Variants in NFIC observed in about 807,000 individuals in gnomAD.
The protein encoded by NFIC is nuclear factor I C, also known as nuclear factor 1 C-type.
In NFIC, 12 loss-of-function variants were observed where a neutral mutation model predicts 54.4. The ratio of observed to expected loss-of-function variants is 0.22; its 90% CI spans 0.14 to 0.36. The LOEUF is 0.36. Ranked by LOEUF, NFIC falls within the 10% of genes least tolerant of loss-of-function variation. NFIC has a pLI of 1.00. For missense variants in NFIC, 575 were observed against 718.2 expected, an observed-to-expected ratio of 0.80 and a Z score of 2.28; for synonymous variants, 322 against 319.2, an observed-to-expected ratio of 1.01 and a Z score of -0.09.
intron 2 of NFIC, among the ~76,000 whole-genome samples, chr19:3,399,180 C>G (rs2081514018): frequency 6.6e-6 from 1 of 152,216 alleles, no homozygotes; most frequent in Non-Finnish European, 1.5e-5. Context: ...CACTGTGTGG[C>G]CTCAGGCAGG....
chr19:3,408,352 C>T lies in NFIC; in HGVS notation c.563-16754C>T, dbSNP rs1599633930. ...GCAATGCTGGGCCACCCCTGCTGGG[C>T]CAGGGTGTTGTGTTGAAGCCAAGAT... On this transcript the variant is annotated intron_variant, in intron 2 of 10. Coordinates refer to ENST00000443272, the MANE Select transcript of NFIC (RefSeq NM_001245002.2). Among the ~76,000 whole-genome samples the T allele has an allele frequency of 2.6e-5, 4 of 152,248 alleles. No homozygotes were observed. The South Asian group carries it at 8.3e-4, about 32-fold the overall frequency.
In NFIC at chr19:3,463,170, G is replaced by A. The variant is rs1309733384; in HGVS notation, c.*401G>A. On this transcript the variant is annotated 3_prime_UTR_variant, in exon 11 of 11. Transcript: ENST00000443272. ...GGACAGACGCCGGCCGCCCGCCCGC[G>A]CCCCGGAGGCCCTGGCTCTGTCCGG... 3 of 1,072,288 alleles carry A rather than the reference G, an allele frequency of 2.8e-6. No homozygotes were observed. In the African/African-American group the frequency reaches 5.1e-5, roughly 18 times the overall value. The allele number at this position is 1,072,288 out of a possible 1,614,324, so 66.4% of individuals were successfully genotyped here.
intron 2 of NFIC, among the ~76,000 whole-genome samples, chr19:3,409,136 G>A (rs1005504250): frequency 6.6e-6 from 1 of 152,086 alleles, no homozygotes; most frequent in African/African-American, 2.4e-5. Flanking sequence ...ACAAGGCCCC[G>A]AATGGTCCCG....
At chr19:3,442,633 C>T (rs2082311125) in intron 6 of NFIC, among the ~76,000 whole-genome samples, 1 of 152,094 alleles carries the variant, frequency 6.6e-6, no homozygotes, top group South Asian at 2.1e-4. Context: ...GTGATCCGCC[C>T]GCCTCGGCCT....
intron 9 of NFIC, among the ~76,000 whole-genome samples, chr19:3,455,446 G>A (rs868339670): frequency 1.6e-5 from 2 of 127,652 alleles, no homozygotes; most frequent in East Asian, 2.6e-4. Context: ...AGGATACTGC[G>A]TAGGATCCAC....
chr19:3,427,066 A>G (rs1292944216), intron 3 of NFIC, among the ~76,000 whole-genome samples: 1 of 151,616 alleles, frequency 6.6e-6, no homozygotes, highest in Non-Finnish European at 1.5e-5. Context: ...AGCTGGGACT[A>G]CAGGCGCCCA....
chr19:3,378,203 G>A lies in NFIC; in HGVS notation c.31-3509G>A, dbSNP rs2081140577. Among the ~76,000 whole-genome samples the A allele has an allele frequency of 4.0e-5, 6 of 151,284 alleles. No individual in the cohort carries two copies. In the South Asian group the frequency reaches 8.4e-4, roughly 21 times the overall value. ...TTGAACCTGGGAGGCGGAGGTTGCA[G>A]TGAGCCGAGATTGTGCCACTGCACT... On this transcript the variant is annotated intron_variant, in intron 1 of 10. Coordinates refer to ENST00000443272, the MANE Select transcript of NFIC (RefSeq NM_001245002.2).
chr19:3,454,346 A>T, intron 9 of NFIC: 1 of 862,388 alleles, frequency 1.2e-6, no homozygotes, highest in South Asian at 5.2e-5. Flanking sequence ...GACGTTTTAC[A>T]TAAACATTTC....
In NFIC at chr19:3,467,764, T is replaced by TACATATATATAC. The variant is rs1213410683; in HGVS notation, c.*4996_*4997insCATATATATACA. ...AGTGTAGGGCTATACTATACATATA[T>TACATATATATAC]ATATATATATATATATATATATATA... is the stretch of plus-strand genomic sequence containing the variant. On this transcript the variant is annotated 3_prime_UTR_variant, in exon 11 of 11. Transcript: ENST00000443272. 7.9e-6 allele frequency: 1 copy of TACATATATATAC among 126,828 alleles called. No homozygotes were observed. The highest frequency in any genetic ancestry group is 7.6e-5 in the Admixed American group (1 of 13,098). 7.9% of individuals were successfully genotyped at this position (126,828 alleles called of 1,614,324 possible).
intron 9 of NFIC, among the ~76,000 whole-genome samples, chr19:3,455,576 T>C (rs2082540013): frequency 6.7e-6 from 1 of 149,278 alleles, no homozygotes; most frequent in South Asian, 2.1e-4. Flanking sequence ...TGGTATACAA[T>C]AGACACTTAA....
intron 2 of NFIC, among the ~76,000 whole-genome samples, chr19:3,396,988 C>G (rs557739228): frequency 6.6e-6 from 1 of 151,964 alleles, no homozygotes; most frequent in African/African-American, 2.4e-5. Context: ...CAGTGGCCAT[C>G]ATGATCGGTT....
rs1369660911 is a variant in NFIC at position 3,464,732 on chromosome 19, C to T, written c.*1963C>T. 3 of 984,978 alleles carry T rather than the reference C, an allele frequency of 3.0e-6. No homozygotes were observed. The highest frequency in any genetic ancestry group is 3.5e-5 in the African/African-American group (2 of 57,140). 61.0% of individuals were successfully genotyped at this position (984,978 alleles called of 1,614,324 possible). ...ACCCGCTCGCTCCTAAAGAGAAAGA[C>T]CCAGGACCCTCCCCCATCACCCCCA... On this transcript the variant is annotated 3_prime_UTR_variant, in exon 11 of 11. Transcript: ENST00000443272.
intron 6 of NFIC, among the ~76,000 whole-genome samples, chr19:3,447,137 A>G (rs959082597): frequency 5.9e-5 from 9 of 151,976 alleles, no homozygotes; most frequent in Non-Finnish European, 1.2e-4. Context: ...CATCTCTACT[A>G]AAAATACAAA....
intron 1 of NFIC, chr19:3,371,321 A>ACTTTTTTT (rs1555739022): frequency 1.6e-5 from 2 of 124,532 alleles, no homozygotes; most frequent in Non-Finnish European, 1.7e-5. Context: ...AGGCAGCACA[A>ACTTTTTTT]TTTTTTTTTT....
At chr19:3,366,826 G>A (rs890981831) in intron 1 of NFIC, among the ~76,000 whole-genome samples, 160 bp downstream of exon 1, 1 of 151,918 alleles carries the variant, frequency 6.6e-6, no homozygotes, top group Non-Finnish European at 1.5e-5. Flanking sequence ...CCGGTGGGGG[G>A]ATGGGTCAGG....
Position 3,381,949 on chromosome 19 carries a change from G to C in NFIC, c.268G>C (p.Glu90Gln). Residue 90 changes from glutamate (E) to glutamine (Q), a missense_variant, in exon 2 of 11, where the codon GAG (glutamate) becomes CAG (glutamine). Around this residue, in one of 3 missense-constraint regions of NFIC, gnomAD observed 122 missense variants for 158.0 expected, o/e 0.77. Coordinates refer to ENST00000443272, the MANE Select transcript of NFIC (RefSeq NM_001245002.2). The stretch of plus-strand genomic sequence containing the variant: ...CAAGGACATCCGGCCCGAGTGCCGC[G>C]AGGACTTCGTGCTGAGCATCACCGG... ...LRKDIRPECR[E>Q]DFVLSITGKK... 6.2e-7 allele frequency: 1 copy of C among 1,613,484 alleles called. No individual in the cohort carries two copies. The highest frequency in any genetic ancestry group is 2.2e-5 in the East Asian group (1 of 44,868).
chr19:3,441,664 C>G (rs1398102464), intron 6 of NFIC, among the ~76,000 whole-genome samples: 1 of 152,052 alleles, frequency 6.6e-6, no homozygotes, highest in Non-Finnish European at 1.5e-5. Context: ...CAGAGGGGCC[C>G]AAGGGAAGGG....
intron 1 of NFIC, among the ~76,000 whole-genome samples, chr19:3,366,959 T>TC (rs5826818): frequency 0.075 from 9,792 of 130,534 alleles, 469 homozygotes; most frequent in African/African-American, 0.15. Flanking sequence ...CAGATTTGCG[T>TC]CCCCCCCCCA....
chr19:3,434,979 C>T (rs1202145037), intron 5 of NFIC, 104 bp from the exon 6 acceptor site: 4 of 1,394,610 alleles, frequency 2.9e-6, no homozygotes, highest in Non-Finnish European at 3.8e-6. Context: ...TACTACCTCC[C>T]TCGCCCCCGC....
Sources: allele counts gnomAD v4.1 joint callset (sites outside exome capture counted in the v4.1 genomes callset), GRCh38; gene constraint gnomAD v4.1.1; regional missense constraint gnomAD v4.1.1; transcripts MANE v1.5; gene names NCBI Gene and HGNC (gene_info 2026-07-23, HGNC 2026-07-21).